Variants in ZNF596 observed in about 807,000 individuals in gnomAD.
The protein encoded by ZNF596 is zinc finger protein 596.
ZNF596 carries 45 observed loss-of-function variants against 48.3 expected under a neutral mutation model. The ratio of observed to expected loss-of-function variants is 0.93; its 90% CI spans 0.73 to 1.19. The LOEUF is 1.19. ZNF596 is among the 50% of genes most tolerant of loss of function. The pLI is 0.00. For missense variants in ZNF596, 848 were observed against 599.7 expected, an observed-to-expected ratio of 1.41 and a Z score of -4.32; for synonymous variants, 270 against 202.0, an observed-to-expected ratio of 1.34 and a Z score of -2.85.
Position 245,208 on chromosome 8 carries a change from A to G in ZNF596, c.361A>G (p.Thr121Ala), listed in dbSNP as rs1446812327. Residue 121 changes from threonine (T) to alanine (A), a missense_variant, in exon 6 of 6, where the codon ACT (threonine) becomes GCT (alanine). By Grantham distance (58) the Thr-to-Ala change is moderately conservative. Coordinates refer to ENST00000398612, the MANE Select transcript of ZNF596 (RefSeq NM_001042416.3). ...FLCNDLGEDF[T>A]QHIALTQNVI... Reference sequence around the variant, plus strand: ...ATGCAATGACTTAGGAGAAGATTTCACTCAACATATAGCATTGACTCAAAA... The same window carrying G: ...ATGCAATGACTTAGGAGAAGATTTCGCTCAACATATAGCATTGACTCAAAA... 6.2e-7 allele frequency: 1 copy of G among 1,611,206 alleles called. No homozygotes were observed. Among genetic ancestry groups the G allele is most frequent in the Non-Finnish European group, 8.5e-7 (1 of 1,178,310 alleles).
At chr8:232,267 G>C (rs1198112088), upstream of ZNF596, 2 of 164,748 alleles carry the variant, frequency 1.2e-5, no homozygotes, top group Non-Finnish European at 2.9e-5. Context: ...GCGGGAGGTC[G>C]GTAAGCTCCC....
chr8:242,975 A>G lies in ZNF596; in HGVS notation c.101A>G (p.Asp34Gly), dbSNP rs1317608545. The G allele has an allele frequency of 1.2e-6, 2 of 1,612,282 alleles. No individual in the cohort carries two copies. Among genetic ancestry groups the G allele is most frequent in the South Asian group, 1.1e-5 (1 of 90,964 alleles). ...LDTSQRKLFQ[D>G]VMLENISHLV... ...ACATCCCAGAGAAAGCTGTTTCAAGATGTGATGTTGGAGAACATCAGTCAT... is the reference window on the plus strand; with the variant it reads ...ACATCCCAGAGAAAGCTGTTTCAAGGTGTGATGTTGGAGAACATCAGTCAT... The change falls in exon 3 of 6, where the codon GAT becomes GGT. Residue 34 changes from aspartate (D) to glycine (G), a missense_variant. Physicochemically the swap from Asp to Gly is moderately conservative, Grantham distance 94. Transcript: ENST00000398612.
chr8:235,173 G>C (rs1433621100), intron 1 of ZNF596, among the ~76,000 whole-genome samples: 1 of 152,160 alleles, frequency 6.6e-6, no homozygotes, highest in African/African-American at 2.4e-5. Flanking sequence ...ATTTAAAAAT[G>C]GAATCAACCT....
At chr8:239,969 A>G (rs1339422442) in intron 1 of ZNF596, among the ~76,000 whole-genome samples, 2 of 152,194 alleles carry the variant, frequency 1.3e-5, no homozygotes, top group Admixed American at 1.3e-4. Flanking sequence ...CCAAGGCATT[A>G]CGAGCTCTGT....
rs878901394 is a variant in ZNF596, at chr8:246,473, T to C, written c.*111T>C. ...CCTTTATTTATATTTACCACTTTGCTCAACCTAAATGAATTCAAGGTAGAG... is the reference window on the plus strand; with the variant it reads ...CCTTTATTTATATTTACCACTTTGCCCAACCTAAATGAATTCAAGGTAGAG... On this transcript the variant is annotated 3_prime_UTR_variant, in exon 6 of 6. Coordinates refer to ENST00000398612, the MANE Select transcript of ZNF596 (RefSeq NM_001042416.3). 1.2e-5 allele frequency: 17 copies of C among 1,372,924 alleles called. No individual in the cohort carries two copies. The highest frequency in any genetic ancestry group is 5.8e-5 in the South Asian group (4 of 68,572). The allele number at this position is 1,372,924 out of a possible 1,614,324, so 85.0% of individuals were successfully genotyped here.
intron 5 of ZNF596, 107 bp from the exon 6 acceptor site, chr8:245,047 T>C: frequency 4.6e-6 from 6 of 1,311,340 alleles, no homozygotes; most frequent in Non-Finnish European, 6.2e-6. Context: ...GTAACTGGAG[T>C]CTACCACTGA....
rs150499628 is a variant in ZNF596 at position 245,927 on chromosome 8, G to A, written c.1080G>A (p.Glu360=). 2.9e-5 allele frequency: 46 copies of A among 1,613,816 alleles called. No individual in the cohort carries two copies. Among genetic ancestry groups the A allele is most frequent in the Non-Finnish European group, 3.7e-5 (44 of 1,180,004 alleles). Residue 360 remains glutamate (E), a synonymous_variant, in exon 6 of 6, where the codon GAG becomes GAA. Transcript: ENST00000398612. ...AACATGAGCGAAGTCACAATGGAGA[G>A]AAACCACATGGATGTCATCTATGTG... ...LRQHERSHNG[E]KPHGCHLCGK...
At position 246,063 on chromosome 8, in the gene ZNF596, C is replaced by T; in HGVS notation, c.1216C>T (p.Leu406Phe). 1.9e-6 allele frequency: 3 copies of T among 1,614,004 alleles called. No individual in the cohort carries two copies. Among genetic ancestry groups the T allele is most frequent in the Admixed American group, 3.3e-5 (2 of 60,006 alleles). The stretch of plus-strand genomic sequence containing the variant: ...GAAAGCCTTCACTGAATCTTCTGAC[C>T]TCAGACGACATGAGAGAACTCACAC... ...CGKAFTESSD[L>F]RRHERTHTGE... The change falls in exon 6 of 6, where the codon CTC becomes TTC. Residue 406 changes from leucine (L) to phenylalanine (F), a missense_variant. Physicochemically the swap from Leu to Phe is conservative, Grantham distance 22. Coordinates refer to ENST00000398612, the MANE Select transcript of ZNF596 (RefSeq NM_001042416.3).
rs753010723 is a variant in ZNF596 at position 244,624 on chromosome 8, G to A, written c.229G>A (p.Glu77Lys). 1.2e-6 allele frequency: 2 copies of A among 1,606,392 alleles called. No individual in the cohort carries two copies. Among genetic ancestry groups the A allele is most frequent in the South Asian group, 1.1e-5 (1 of 89,972 alleles). Reference protein sequence around the residue: ...TQRISLLQGREVGIKHQEIPF... With the variant: ...TQRISLLQGRKVGIKHQEIPF... ...TTTTTTTTCATTTATTTCAGGTAGA[G>A]AAGTTGGCATTAAACATCAAGAGAT... Residue 77 changes from glutamate (E) to lysine (K), a missense_variant, in exon 5 of 6, where the codon GAA becomes AAA. Glu to Lys is a moderately conservative substitution (Grantham distance 56). Transcript: ENST00000398612.
chr8:242,919 C>A lies in ZNF596; in HGVS notation c.45C>A (p.Asp15Glu). Reference protein sequence around the residue: ...DSMTFEDIIVDFTQEEWALLD... With the variant: ...DSMTFEDIIVEFTQEEWALLD... ...TGACCTTCGAGGATATCATTGTAGA[C>A]TTCACTCAAGAAGAGTGGGCCCTGC... The change falls in exon 3 of 6, where the codon GAC becomes GAA. Residue 15 changes from aspartate (D) to glutamate (E), a missense_variant. Physicochemically the swap from Asp to Glu is conservative, Grantham distance 45. Coordinates refer to ENST00000398612, the MANE Select transcript of ZNF596 (RefSeq NM_001042416.3). The A allele has an allele frequency of 6.3e-7, 1 of 1,596,054 alleles. No homozygotes were observed. The highest frequency in any genetic ancestry group is 8.6e-7 in the Non-Finnish European group (1 of 1,167,954).
At position 247,009 on chromosome 8, in the gene ZNF596, T is replaced by G. The variant is rs1037404392; in HGVS notation, c.*647T>G. 3.3e-5 allele frequency: 5 copies of G among 149,966 alleles called. No homozygotes were observed. Among genetic ancestry groups the G allele is most frequent in the Admixed American group, 3.3e-4 (5 of 15,072 alleles). 9.3% of individuals were successfully genotyped at this position (149,966 alleles called of 1,614,324 possible). ...TCTCAATGACATGAATGGAGGGTAG[T>G]CCTCAGTAAATTACTCATTCCTTAG... On this transcript the variant is annotated 3_prime_UTR_variant, in exon 6 of 6. Transcript: ENST00000398612.
intron 2 of ZNF596, among the ~76,000 whole-genome samples, chr8:241,335 GT>G (rs1411803016): frequency 2.6e-5 from 4 of 152,286 alleles, no homozygotes; most frequent in Admixed American, 1.3e-4. Flanking sequence ...TTAGTCTAGT[GT>G]TTCAGGTGTT....
At position 245,494 on chromosome 8, in the gene ZNF596, T is replaced by C; in HGVS notation, c.647T>C (p.Ile216Thr). The change falls in exon 6 of 6, where the codon ATT becomes ACT. Residue 216 changes from isoleucine to threonine, a missense_variant. By Grantham distance (89) the Ile-to-Thr change is moderately conservative. Transcript: ENST00000398612. Reference sequence around the variant, plus strand: ...TCTAATCTTAGGCGACATGAGATGATTCACACTGGAGAGAAACCACACGGA... The same window carrying C: ...TCTAATCTTAGGCGACATGAGATGACTCACACTGGAGAGAAACCACACGGA... ...KNSNLRRHEM[I>T]HTGEKPHGCH... The C allele has an allele frequency of 6.2e-7, 1 of 1,614,064 alleles. No individual in the cohort carries two copies. Among genetic ancestry groups the C allele is most frequent in the East Asian group, 2.2e-5 (1 of 44,882 alleles).
At chr8:242,853 C>T (rs757041850) in intron 2 of ZNF596, 34 bp from the exon 3 acceptor site, 44 of 1,455,602 alleles carry the variant, frequency 3.0e-5, no homozygotes, top group Non-Finnish European at 3.7e-5. Context: ...GCAGAGATAG[C>T]CCTGTTTGCA....
At chr8:244,420 G>T (rs912282866) in intron 4 of ZNF596, 199 bp from the exon 5 acceptor site, 3 of 549,980 alleles carry the variant, frequency 5.5e-6, no homozygotes, top group African/African-American at 3.9e-5. Flanking sequence ...TTCCTTCCTC[G>T]ACTTGCCTTT....
chr8:236,222 T>G (rs907786198), intron 1 of ZNF596, among the ~76,000 whole-genome samples: 3 of 152,270 alleles, frequency 2.0e-5, no homozygotes, highest in African/African-American at 7.2e-5. Context: ...TTTGCTTTTT[T>G]TAAGGACTAA....
At position 246,195 on chromosome 8, in the gene ZNF596, A is replaced by T. The variant is rs1408053502; in HGVS notation, c.1348A>T (p.Asn450Tyr). The change falls in exon 6 of 6, where the codon AAT becomes TAT. Residue 450 changes from asparagine (N) to tyrosine (Y), a missense_variant. Transcript: ENST00000398612. ...CACTGGAGAGAAACCATATGAATGC[A>T]ATATATGTGGTAAAGCCTTCAATAG... The part of the protein sequence containing the change: ...THTGEKPYEC[N>Y]ICGKAFNRSY... 3.1e-6 allele frequency: 5 copies of T among 1,613,782 alleles called. No individual in the cohort carries two copies. Among genetic ancestry groups the T allele is most frequent in the Non-Finnish European group, 4.2e-6 (5 of 1,179,982 alleles).
chr8:237,579 A>AC (rs1287008518), intron 1 of ZNF596: 29 of 152,316 alleles, frequency 1.9e-4, no homozygotes, highest in African/African-American at 6.5e-4. Context: ...CGGAAAAAAA[A>AC]GTCTTTAGAA....
intron 1 of ZNF596, among the ~76,000 whole-genome samples, chr8:236,630 A>C (rs767224403): frequency 4.6e-5 from 7 of 152,208 alleles, no homozygotes; most frequent in Non-Finnish European, 7.3e-5. Context: ...AAATTATATG[A>C]AAATGTTTTT....
Sources: gnomAD v4.1 joint callset for allele counts (sites outside exome capture counted in the v4.1 genomes callset) on GRCh38, gnomAD v4.1.1 for gene constraint, MANE v1.5 for transcripts, NCBI Gene and HGNC (gene_info 2026-07-23, HGNC 2026-07-21) for gene names.